Variants in USP42 observed in about 807,000 individuals in gnomAD.
USP42 encodes ubiquitin specific peptidase 42.
USP42 carries 23 observed loss-of-function variants against 113.0 expected under a neutral mutation model. That is an observed-to-expected ratio of 0.20 (90% CI 0.15 to 0.29). USP42 has a LOEUF of 0.29. USP42 is among the 10% of genes least tolerant of loss of function. The probability of loss-of-function intolerance (pLI) is 1.00; values close to 1 mark genes in which losing one functional copy is unlikely to be tolerated. For synonymous variants in USP42, 933 were observed against 699.0 expected (o/e 1.33, Z -5.28); for missense variants, 2,174 against 1,779.8 (o/e 1.22, Z -3.99).
At chr7:6,131,433 C>T (rs569211627) in intron 3 of USP42, among the ~76,000 whole-genome samples, 1 of 152,222 alleles carries the variant, frequency 6.6e-6, no homozygotes, top group Non-Finnish European at 1.5e-5. Flanking sequence ...GTGATCCCGC[C>T]ACTGCACTCC....
upstream of USP42, among the ~76,000 whole-genome samples, chr7:6,099,949 C>T (rs1430328209): frequency 3.9e-5 from 5 of 129,776 alleles, no homozygotes; most frequent in African/African-American, 6.9e-5. Context: ...GGTGACAGAA[C>T]GAGACTCCCT....
rs776314695 is a variant in USP42, at chr7:6,142,997, C to T, written c.861C>T (p.Asn287=). 1 of 1,613,976 alleles carries T rather than the reference C, an allele frequency of 6.2e-7. No individual in the cohort carries two copies. Among genetic ancestry groups the T allele is most frequent in the Non-Finnish European group, 8.5e-7 (1 of 1,179,870 alleles). ...AGCCGGAACAGCTTGATGGAGAAAACTCGTACAAGTGCAGCAAGTACGTTG... is the reference window on the plus strand; with the variant it reads ...AGCCGGAACAGCTTGATGGAGAAAATTCGTACAAGTGCAGCAAGTACGTTG... ...FVKPEQLDGE[N]SYKCSKCKKM... is the part of the protein sequence containing the mutation. Residue 287 remains asparagine (N), a synonymous_variant, in exon 8 of 18, where the codon AAC becomes AAT. Transcript: ENST00000306177.
chr7:6,088,064 C>G, the USP42 span, among the ~76,000 whole-genome samples: 1 of 150,798 alleles, frequency 6.6e-6, no homozygotes, highest in Non-Finnish European at 1.5e-5. Flanking sequence ...CTTTGGGAGG[C>G]CAAGGCAGGA....
At chr7:6,091,669 TTA>T in the USP42 span, among the ~76,000 whole-genome samples, 2 of 91,136 alleles carry the variant, frequency 2.2e-5, no homozygotes, top group Non-Finnish European at 5.1e-5. Context: ...TATTTAATCA[TTA>T]TGTTAGCATA....
chr7:6,150,856 G>A (rs1220733998), intron 14 of USP42, among the ~76,000 whole-genome samples: 1 of 152,156 alleles, frequency 6.6e-6, no homozygotes, highest in African/African-American at 2.4e-5. Context: ...GAGGGTCTAG[G>A]CCAGGGCTCT....
chr7:6,093,617 TTCCCCCACCCC>T, the USP42 span, among the ~76,000 whole-genome samples: 4 of 148,538 alleles, frequency 2.7e-5, no homozygotes, highest in Admixed American at 6.7e-5. Context: ...GCTTCCCTCC[TTCCCCCACCCC>T]TCCCCTCTCC....
chr7:6,100,146 C>G (rs1464166250), upstream of USP42, among the ~76,000 whole-genome samples: 4 of 149,284 alleles, frequency 2.7e-5, no homozygotes, highest in South Asian at 4.2e-4. Flanking sequence ...AGTCACCGCA[C>G]CTGGCCCAAT....
At position 6,158,556 on chromosome 7, in the gene USP42, A is replaced by C. The variant is rs1223051916; in HGVS notation, c.3944-894A>C. Among the ~76,000 whole-genome samples the C allele has an allele frequency of 6.6e-6, 1 of 152,056 alleles. No homozygotes were observed. The highest frequency in any genetic ancestry group is 1.5e-5 in the Non-Finnish European group (1 of 68,004). ...AAACGGTCCTTAGAGTGTGTGAGAG[A>C]GAGCTGGGGGTTGCGGGGTGAGCCC... On this transcript the variant is annotated intron_variant, in intron 16 of 17. Coordinates refer to ENST00000306177, the MANE Select transcript of USP42 (RefSeq NM_032172.3). This position sits in a 1 kb window ranked among gnomAD's most constrained non-coding sequence, Gnocchi z 4.2.
At chr7:6,153,022 G>A in intron 14 of USP42, 1 of 929,206 alleles carries the variant, frequency 1.1e-6, no homozygotes, top group Non-Finnish European at 1.3e-6. Context: ...TGTAATCCCA[G>A]CACTTTGGGA....
intron 3 of USP42, among the ~76,000 whole-genome samples, chr7:6,130,752 G>A (rs1188430432): frequency 6.6e-6 from 1 of 152,100 alleles, no homozygotes; most frequent in Non-Finnish European, 1.5e-5. Flanking sequence ...TGGTTGCTCA[G>A]GGGCAGCCAC....
chr7:6,160,612 A>G lies in USP42; in HGVS notation c.*94A>G, dbSNP rs1008360426. Reference sequence around the variant, plus strand: ...CCAGCTTAAATTATAAAGATAGACAATAACTCTGTTCCAATCTGCGTGGTG... The same window carrying G: ...CCAGCTTAAATTATAAAGATAGACAGTAACTCTGTTCCAATCTGCGTGGTG... On this transcript the variant is annotated 3_prime_UTR_variant, in exon 18 of 18. Coordinates refer to ENST00000306177, the MANE Select transcript of USP42 (RefSeq NM_032172.3). The G allele has an allele frequency of 2.0e-5, 3 of 152,684 alleles. No individual in the cohort carries two copies. The highest frequency in any genetic ancestry group is 2.9e-5 in the Non-Finnish European group (2 of 68,056). 9.5% of individuals were successfully genotyped at this position (152,684 alleles called of 1,614,324 possible).
At chr7:6,110,782 T>C (rs1230251062) in intron 1 of USP42, among the ~76,000 whole-genome samples, 1 of 152,216 alleles carries the variant, frequency 6.6e-6, no homozygotes, top group Non-Finnish European at 1.5e-5. Context: ...AAGGAAAATA[T>C]AGGTACTTAG....
intron 3 of USP42, among the ~76,000 whole-genome samples, chr7:6,120,786 G>T (rs1322836550): frequency 6.6e-6 from 1 of 151,904 alleles, no homozygotes; most frequent in Non-Finnish European, 1.5e-5. Context: ...GTTTCACCCT[G>T]TTGGCCAAGC....
the USP42 span, among the ~76,000 whole-genome samples, chr7:6,082,408 G>A: frequency 1.3e-5 from 2 of 151,770 alleles, no homozygotes; most frequent in African/African-American, 2.4e-5. Context: ...GATTACAGGC[G>A]TGAGCCACCG....
Position 6,154,602 on chromosome 7 carries a change from G to A in USP42, c.3048G>A (p.Arg1016=). The A allele has an allele frequency of 1.3e-6, 2 of 1,585,920 alleles. No individual in the cohort carries two copies. The highest frequency in any genetic ancestry group is 4.6e-5 in the East Asian group (2 of 43,248). ...LSPGERRSLG[R]CSHHHSRHRS... ...CTGGCGAGCGCCGCTCTCTGGGCAG[G>A]TGCAGTCACCACCACTCCCGACACC... The change falls in exon 15 of 18, where the codon AGG becomes AGA. Residue 1016 remains arginine (R), a synonymous_variant. Coordinates refer to ENST00000306177, the MANE Select transcript of USP42 (RefSeq NM_032172.3).
intron 3 of USP42, among the ~76,000 whole-genome samples, chr7:6,117,555 T>G (rs540008532): frequency 6.6e-6 from 1 of 152,346 alleles, no homozygotes; most frequent in East Asian, 1.9e-4. Flanking sequence ...CTTAGGTAAA[T>G]ATCTAGGAGT....
chr7:6,149,031 T>A (rs1378921825), intron 12 of USP42, among the ~76,000 whole-genome samples: 1 of 152,226 alleles, frequency 6.6e-6, no homozygotes, highest in Non-Finnish European at 1.5e-5. Context: ...TAACTGACTT[T>A]CACGCCTGCG....
chr7:6,081,327 A>T, the USP42 span: 1 of 137,170 alleles, frequency 7.3e-6, no homozygotes, highest in Admixed American at 7.7e-5. Flanking sequence ...CTAGATCCCC[A>T]CCGGTCCCCA....
At chr7:6,087,603 C>A in the USP42 span, among the ~76,000 whole-genome samples, 8 of 151,068 alleles carry the variant, frequency 5.3e-5, no homozygotes, top group South Asian at 8.3e-4. Context: ...TCCCAAAGTG[C>A]TGGGATTACA....
Sources: gnomAD v4.1 joint callset for allele counts (sites outside exome capture counted in the v4.1 genomes callset) on GRCh38, gnomAD v4.1.1 for gene constraint, Gnocchi (gnomAD v3.1) non-coding constraint, MANE v1.5 for transcripts, NCBI Gene and HGNC (gene_info 2026-07-23, HGNC 2026-07-21) for gene names.